Variants in PHLPP2 observed in about 807,000 individuals in gnomAD.
PHLPP2 encodes PH domain leucine-rich repeat-containing protein phosphatase 2.
In PHLPP2, 66 loss-of-function variants were observed where a neutral mutation model predicts 124.9. That is an observed-to-expected ratio of 0.53 (90% CI 0.43 to 0.65). PHLPP2 has a LOEUF of 0.65. PHLPP2 is among the 30% of genes least tolerant of loss of function. PHLPP2 has a pLI of 0.00. For missense variants in PHLPP2, 1,685 were observed against 1,600.4 expected (o/e 1.05, Z -0.90); for synonymous variants, 681 against 624.7 (o/e 1.09, Z -1.34).
intron 6 of PHLPP2, among the ~76,000 whole-genome samples, chr16:71,680,709 C>T (rs544174270): frequency 2.6e-5 from 4 of 152,254 alleles, no homozygotes; most frequent in Non-Finnish European, 2.9e-5. Flanking sequence ...CTCACTGTAA[C>T]GCTTCTCTTC....
intron 9 of PHLPP2, among the ~76,000 whole-genome samples, chr16:71,674,382 C>T (rs1596998578): frequency 7.1e-6 from 1 of 141,320 alleles, no homozygotes. Flanking sequence ...CAGGCCCAGA[C>T]TTTTTTTTTT....
rs1381158256 is a variant in PHLPP2 at position 71,667,162 on chromosome 16, A to G, written c.1784+16T>C. ...CAATGATTCTGCTCTTCCGAAAAAA[A>G]TCCTATGATACTTACTTTAAGGCCT... is the stretch of plus-strand genomic sequence containing the variant. On this transcript the variant is annotated intron_variant, in intron 12 of 18. Coordinates refer to ENST00000568954, the MANE Select transcript of PHLPP2 (RefSeq NM_015020.3). 1 of 1,602,194 alleles carries G rather than the reference A, an allele frequency of 6.2e-7. No homozygotes were observed. Among genetic ancestry groups the G allele is most frequent in the Admixed American group, 1.7e-5 (1 of 57,934 alleles).
Position 71,720,013 on chromosome 16 carries a change from G to C in PHLPP2, c.-7+4316C>G, listed in dbSNP as rs971842488. ...TGAGACGGAGTGTCGCTGTTGTCCA[G>C]GCTGCAGTGCAGTGGCACAATCTCG... On this transcript the variant is annotated intron_variant, in intron 1 of 18. Transcript: ENST00000568954. 4.8e-5 allele frequency among the ~76,000 whole-genome samples: 6 copies of C among 124,052 alleles called. No individual in the cohort carries two copies. In the Admixed American group the frequency reaches 5.2e-4, roughly 11 times the overall value. The allele number at this position is 124,052 out of a possible 152,430, so 81.4% of individuals were successfully genotyped here. A position where few individuals can be genotyped will look rare whatever the true frequency, so the allele number is the denominator to read the frequency against.
intron 15 of PHLPP2, 62 bp from the exon 16 acceptor site, chr16:71,656,743 A>C: frequency 1.0e-6 from 1 of 998,842 alleles, no homozygotes; most frequent in Non-Finnish European, 1.6e-6. Context: ...AACTATCCCA[A>C]CAATAGTATT....
chr16:71,719,964 A>ATTTTTTTTTTGTTTTTTTTTTTTTTT (rs2045387638), intron 1 of PHLPP2, among the ~76,000 whole-genome samples: 1 of 53,246 alleles, frequency 1.9e-5, no homozygotes, highest in Non-Finnish European at 3.1e-5. Context: ...TGCCCAGCTA[A>ATTTTTTTTTTGTTTTTTTTTTTTTTT]TTTTTTTTTT....
chr16:71,697,098 G>C (rs564110933), intron 3 of PHLPP2, among the ~76,000 whole-genome samples: 1 of 151,856 alleles, frequency 6.6e-6, no homozygotes, highest in Non-Finnish European at 1.5e-5. Flanking sequence ...TTGAATCTTT[G>C]AGAGGCGGAG....
At position 71,714,747 on chromosome 16, in the gene PHLPP2, CA is replaced by C. The variant is rs1668737136; in HGVS notation, c.48del (p.Phe16LeufsTer9). On this transcript the variant is annotated frameshift_variant, in exon 2 of 19. Coordinates refer to ENST00000568954, the MANE Select transcript of PHLPP2 (RefSeq NM_015020.3). LOFTEE classifies it high-confidence loss of function. ...SRNCLNRRSR[F>X]GSRERDWLRE... ...CTTAGCCAGTCTCTTTCTCGAGAAC[CA>C]AACCTACTTCTCCTATTCAAACAAT... 6.2e-7 allele frequency: 1 copy of C among 1,613,984 alleles called. No homozygotes were observed. Among genetic ancestry groups the C allele is most frequent in the Admixed American group, 1.7e-5 (1 of 59,996 alleles).
At chr16:71,713,945 C>CTT (rs35131351) in intron 2 of PHLPP2, among the ~76,000 whole-genome samples, 4 of 140,318 alleles carry the variant, frequency 2.9e-5, no homozygotes, top group African/African-American at 7.8e-5. Context: ...AACAACTTTT[C>CTT]TTTTTTTTTT....
In PHLPP2 at chr16:71,658,245, A is replaced by C. The variant is rs144562946; in HGVS notation, c.2267T>G (p.Leu756Arg). The change falls in exon 15 of 19, where the codon CTG becomes CGG. Residue 756 changes from leucine (L) to arginine (R), a missense_variant. Physicochemically the swap from Leu to Arg is moderately radical, Grantham distance 102 (BLOSUM62 -2). Coordinates refer to ENST00000568954, the MANE Select transcript of PHLPP2 (RefSeq NM_015020.3). ...NTNLVLEHKT[L>R]DIFSHITTLK... ...AATTTTTTCCTACCTAAATATGTCC[A>C]GTGTCTTGTGTTCCAGAACCAGATT... 2.5e-6 allele frequency: 4 copies of C among 1,613,726 alleles called. No homozygotes were observed.
intron 1 of PHLPP2, among the ~76,000 whole-genome samples, chr16:71,722,429 AAAAT>A (rs1022332151): frequency 6.6e-6 from 1 of 152,284 alleles, no homozygotes; most frequent in African/African-American, 2.4e-5. Flanking sequence ...CCTGTCTCAA[AAAAT>A]AAATAAAAAG....
Position 71,690,649 on chromosome 16 carries a change from C to T in PHLPP2, c.479G>A (p.Arg160His), listed in dbSNP as rs1394778309. Reference protein sequence around the residue: ...RILLSGIYNVRKGKTQLHKWA... With the variant: ...RILLSGIYNVHKGKTQLHKWA... ...CTTATGCAGCTGGGTCTTTCCCTTG[C>T]GTACATTATAGATGCCAGACAATAG... Residue 160 changes from arginine to histidine, a missense_variant, in exon 4 of 19, where the codon CGC becomes CAC. By Grantham distance (29) the Arg-to-His change is conservative. Coordinates refer to ENST00000568954, the MANE Select transcript of PHLPP2 (RefSeq NM_015020.3). 5 of 1,613,524 alleles carry T rather than the reference C, an allele frequency of 3.1e-6. No homozygotes were observed. Among genetic ancestry groups the T allele is most frequent in the Middle Eastern group, 3.3e-4 (2 of 6,084 alleles).
intron 2 of PHLPP2, among the ~76,000 whole-genome samples, chr16:71,709,265 A>C (rs1037328816): frequency 1.3e-5 from 2 of 152,168 alleles, no homozygotes; most frequent in African/African-American, 4.8e-5. Flanking sequence ...TAATTTCAAA[A>C]TATGGCAAAC....
In PHLPP2 at chr16:71,657,131, C is replaced by T. The variant is rs1295881481; in HGVS notation, c.2280-450G>A. Among the ~76,000 whole-genome samples, 8 of 152,044 alleles carry T rather than the reference C, an allele frequency of 5.3e-5. 1 individual carries two copies. The highest frequency in any genetic ancestry group is 4.2e-4 in the South Asian group (2 of 4,808). ...CTAATTTCTGTATTTTTAGTAGAGACGGGGTTTCACCATGTTGGCCAGGCT... is the reference window on the plus strand; with the variant it reads ...CTAATTTCTGTATTTTTAGTAGAGATGGGGTTTCACCATGTTGGCCAGGCT... On this transcript the variant is annotated intron_variant, in intron 15 of 18. Transcript: ENST00000568954.
chr16:71,651,689 T>C (rs2044697871), intron 18 of PHLPP2, among the ~76,000 whole-genome samples: 1 of 152,216 alleles, frequency 6.6e-6, no homozygotes, highest in African/African-American at 2.4e-5. Context: ...TTTGTTTCCT[T>C]AGATGAACTC....
chr16:71,721,731 A>C (rs1403006081), intron 1 of PHLPP2, among the ~76,000 whole-genome samples: 1 of 152,166 alleles, frequency 6.6e-6, no homozygotes, highest in Non-Finnish European at 1.5e-5. Flanking sequence ...CCTATCTTCT[A>C]TAAGCTGAGT....
intron 13 of PHLPP2, among the ~76,000 whole-genome samples, chr16:71,661,127 C>T (rs71403864): frequency 0.26 from 38,998 of 148,992 alleles, 5,267 homozygotes; most frequent in Non-Finnish European, 0.3. Flanking sequence ...AGTGCAATGG[C>T]GCAATCTCAG....
chr16:71,655,671 T>A (rs894109164), intron 16 of PHLPP2, among the ~76,000 whole-genome samples: 3 of 151,732 alleles, frequency 2.0e-5, no homozygotes, highest in Admixed American at 2.0e-4. Flanking sequence ...CTGGGCTAAT[T>A]TTTTTGTATT....
intron 1 of PHLPP2, chr16:71,715,601 C>T (rs991117870): frequency 6.6e-6 from 1 of 151,748 alleles, no homozygotes; most frequent in Non-Finnish European, 1.5e-5. Context: ...ATTGCTTGAA[C>T]CTGGGAGGCA....
At chr16:71,666,989 A>G (rs2044845075) in intron 12 of PHLPP2, among the ~76,000 whole-genome samples, 189 bp downstream of exon 12, 2 of 152,248 alleles carry the variant, frequency 1.3e-5, no homozygotes, top group African/African-American at 4.8e-5. Flanking sequence ...TATTTCAACT[A>G]TGAGTTACTG....
Sources: gnomAD v4.1 joint callset for allele counts (sites outside exome capture counted in the v4.1 genomes callset) on GRCh38, gnomAD v4.1.1 for gene constraint, MANE v1.5 for transcripts, NCBI Gene and HGNC (gene_info 2026-07-23, HGNC 2026-07-21) for gene names.